Variants in SLC7A14 observed in about 807,000 individuals in gnomAD.
SLC7A14 encodes gamma-aminobutyric acid transporter SLC7A14.
Under a neutral mutation model 60.2 loss-of-function variants are expected in SLC7A14, and 37 were observed. The observed-to-expected ratio is 0.61, with a 90% CI of 0.47 to 0.81. The LOEUF is 0.81. SLC7A14 is among the 30% of genes least tolerant of loss of function. SLC7A14 has a pLI of 0.00. For missense variants in SLC7A14, 886 were observed against 982.7 expected (o/e 0.90, Z 1.32); for synonymous variants, 399 against 395.8 (o/e 1.01, Z -0.10).
At chr3:170,563,303 T>A (rs539220912) in intron 1 of SLC7A14, among the ~76,000 whole-genome samples, 40 of 151,988 alleles carry the variant, frequency 2.6e-4, no homozygotes, top group African/African-American at 8.9e-4. Context: ...TTCACCTCCC[T>A]CCCTCTCTCT....
chr3:170,528,664 G>C (rs1257218186), intron 1 of SLC7A14, among the ~76,000 whole-genome samples: 1 of 152,134 alleles, frequency 6.6e-6, no homozygotes, highest in Non-Finnish European at 1.5e-5. Flanking sequence ...GTGTGGCTTC[G>C]TGCTGTGTTT....
At chr3:170,548,435 G>A (rs565834853) in intron 1 of SLC7A14, among the ~76,000 whole-genome samples, 30 of 152,310 alleles carry the variant, frequency 2.0e-4, no homozygotes, top group Non-Finnish European at 3.7e-4. Context: ...CTACTAAGAA[G>A]CTTCCAGAAG....
At chr3:170,473,422 T>C (rs1711512334) in intron 7 of SLC7A14, among the ~76,000 whole-genome samples, 1 of 152,212 alleles carries the variant, frequency 6.6e-6, no homozygotes, top group Admixed American at 6.5e-5. Context: ...GTCCTCTCCA[T>C]GAAGCTCCAT....
intron 4 of SLC7A14, among the ~76,000 whole-genome samples, chr3:170,490,926 A>G (rs985916319): frequency 6.6e-6 from 1 of 152,198 alleles, no homozygotes; most frequent in Non-Finnish European, 1.5e-5. Flanking sequence ...TACCACCAGT[A>G]TTATTATTAC....
At chr3:170,479,176 A>AAC (rs1711732006) in intron 7 of SLC7A14, among the ~76,000 whole-genome samples, 6 of 132,636 alleles carry the variant, frequency 4.5e-5, no homozygotes, top group Non-Finnish European at 1.0e-4. Flanking sequence ...ACAACAACAA[A>AAC]AAGAGTCTCT....
chr3:170,467,413 A>G lies in SLC7A14; in HGVS notation c.1994-36T>C, dbSNP rs1203913332. 2.2e-6 allele frequency: 3 copies of G among 1,340,650 alleles called. 1 individual carries two copies. 83.0% of individuals were successfully genotyped at this position (1,340,650 alleles called of 1,614,324 possible). A position where few individuals can be genotyped will look rare whatever the true frequency, so the allele number is the denominator to read the frequency against. ...AGGGGAAAGGTACAGGTGAATAAGC[A>G]ATTGCTTTGGGATCCTGGGACTAGC... On this transcript the variant is annotated intron_variant, in intron 7 of 7. Coordinates refer to ENST00000231706, the MANE Select transcript of SLC7A14 (RefSeq NM_020949.3).
At chr3:170,478,651 GT>G (rs1411998618) in intron 7 of SLC7A14, among the ~76,000 whole-genome samples, 1 of 152,064 alleles carries the variant, frequency 6.6e-6, no homozygotes, top group Admixed American at 6.5e-5. Context: ...CCCCCTCCAA[GT>G]TTTTTCTGGC....
chr3:170,514,347 T>C (rs921382598), intron 2 of SLC7A14, among the ~76,000 whole-genome samples: 6 of 152,244 alleles, frequency 3.9e-5, no homozygotes, highest in African/African-American at 1.2e-4. Context: ...CATTCCTGTC[T>C]CAGGTGTTTA....
intron 2 of SLC7A14, among the ~76,000 whole-genome samples, chr3:170,517,859 T>G (rs1713216864): frequency 6.6e-6 from 1 of 152,216 alleles, no homozygotes; most frequent in Non-Finnish European, 1.5e-5. Context: ...TAATGCCAAA[T>G]CATAAACTAA....
At chr3:170,583,929 C>G (rs1007767242) in intron 1 of SLC7A14, among the ~76,000 whole-genome samples, 3 of 152,164 alleles carry the variant, frequency 2.0e-5, no homozygotes, top group African/African-American at 7.2e-5. Context: ...GGCCTCCCTC[C>G]TTTGTCATTC....
rs1739584405 is a variant in SLC7A14 at position 170,460,807 on chromosome 3, A to G, written c.*6248T>C. 6.6e-6 allele frequency: 1 copy of G among 152,198 alleles called. No individual in the cohort carries two copies. The highest frequency in any genetic ancestry group is 1.5e-5 in the Non-Finnish European group (1 of 68,032). The allele number at this position is 152,198 out of a possible 1,614,324, so 9.4% of individuals were successfully genotyped here. On this transcript the variant is annotated 3_prime_UTR_variant, in exon 8 of 8. Transcript: ENST00000231706. ...CCAACATGTACTAAATGTCCCAAAG[A>G]GTAAGAAATTAGAACTACCTGTTGT...
intron 1 of SLC7A14, among the ~76,000 whole-genome samples, chr3:170,559,167 A>C (rs1324439583): frequency 3.3e-5 from 5 of 152,236 alleles, no homozygotes; most frequent in Non-Finnish European, 7.3e-5. Context: ...GTTAAACAGC[A>C]CACGTGTGTT....
chr3:170,539,120 C>A (rs1181885704), intron 1 of SLC7A14, among the ~76,000 whole-genome samples: 1 of 151,754 alleles, frequency 6.6e-6, no homozygotes, highest in Non-Finnish European at 1.5e-5. Context: ...TCCTCCAGGG[C>A]CCTACATAAT....
At chr3:170,497,087 CAAAAAAAAA>C (rs548290941) in intron 4 of SLC7A14, among the ~76,000 whole-genome samples, 6 of 94,278 alleles carry the variant, frequency 6.4e-5, no homozygotes, top group East Asian at 3.5e-4. Context: ...TTATTTTGTC[CAAAAAAAAA>C]AAAAAAAAAA....
At chr3:170,522,810 A>C (rs140265332) in intron 2 of SLC7A14, among the ~76,000 whole-genome samples, 1 of 152,344 alleles carries the variant, frequency 6.6e-6, no homozygotes, top group Non-Finnish European at 1.5e-5. Flanking sequence ...AACTCAATAA[A>C]ACTGAACTCC....
chr3:170,480,596 C>T lies in SLC7A14; in HGVS notation c.1686G>A (p.Gly562=). 3 of 1,614,224 alleles carry T rather than the reference C, an allele frequency of 1.9e-6. No individual in the cohort carries two copies. The highest frequency in any genetic ancestry group is 2.5e-6 in the Non-Finnish European group (3 of 1,180,048). ...GGAGCACGCAGATGGTCACCGTGTG[C>T]CCCGTCGCTGCTGTGGGCCGGTCCA... The part of the protein sequence containing the change: ...GKMDRPTAAT[G]HTVTICVLLL... The change falls in exon 7 of 8, where the codon GGG becomes GGA. Residue 562 remains glycine, a synonymous_variant. Coordinates refer to ENST00000231706, the MANE Select transcript of SLC7A14 (RefSeq NM_020949.3).
chr3:170,574,389 A>C (rs1387663447), intron 1 of SLC7A14, among the ~76,000 whole-genome samples: 1 of 152,170 alleles, frequency 6.6e-6, no homozygotes, highest in Non-Finnish European at 1.5e-5. Context: ...GGCCACTCCC[A>C]ATCTTGCTTA....
chr3:170,561,150 TA>T (rs1486152557), intron 1 of SLC7A14, among the ~76,000 whole-genome samples: 2 of 152,180 alleles, frequency 1.3e-5, no homozygotes, highest in African/African-American at 2.4e-5. Flanking sequence ...CTACTTCTGA[TA>T]ATGCATTTTG....
At chr3:170,576,574 T>G (rs1715096956) in intron 1 of SLC7A14, among the ~76,000 whole-genome samples, 1 of 152,230 alleles carries the variant, frequency 6.6e-6, no homozygotes, top group African/African-American at 2.4e-5. Flanking sequence ...TTCTGAACAA[T>G]AACTACTACA....
Sources: allele counts gnomAD v4.1 joint callset (sites outside exome capture counted in the v4.1 genomes callset), GRCh38; gene constraint gnomAD v4.1.1; transcripts MANE v1.5; gene names NCBI Gene and HGNC (gene_info 2026-07-23, HGNC 2026-07-21).